Variants in ZNF519 observed in about 807,000 individuals in gnomAD.
ZNF519 encodes the protein zinc finger protein 519, also known as similar to Zinc finger protein 85 (Zinc finger protein HPF4) (HTF1).
Under a neutral mutation model 7.4 loss-of-function variants are expected in ZNF519, and 7 were observed. That is an observed-to-expected ratio of 0.94 (90% CI 0.54 to 1.77). The LOEUF (loss-of-function observed/expected upper bound fraction) is 1.77. Among genes scored for constraint, ZNF519 ranks in the 40% most tolerant of loss-of-function variants. The pLI is 0.00. For synonymous variants in ZNF519, 179 were observed against 203.3 expected (o/e 0.88, Z 1.02); for missense variants, 586 against 623.1 (o/e 0.94, Z 0.63).
chr18:14,120,864 A>G (rs2046266570), intron 2 of ZNF519, among the ~76,000 whole-genome samples: 2 of 152,142 alleles, frequency 1.3e-5, no homozygotes, highest in South Asian at 4.1e-4. Context: ...ACTTCTAGGC[A>G]TACTACTACC....
intron 2 of ZNF519, among the ~76,000 whole-genome samples, chr18:14,107,414 T>C (rs1036148407): frequency 6.6e-6 from 1 of 152,166 alleles, no homozygotes; most frequent in Non-Finnish European, 1.5e-5. Flanking sequence ...GCCCTCGACC[T>C]GGAATAATCT....
At chr18:14,077,401 A>T (rs1238040518) in exon 5 of ZNF519, 1 of 152,280 alleles carries the variant, frequency 6.6e-6, no homozygotes, top group East Asian at 1.9e-4. Flanking sequence ...TTTTTGCTGC[A>T]GGGCTGGTGG....
chr18:14,112,507 A>G (rs2046226404), intron 2 of ZNF519, among the ~76,000 whole-genome samples: 1 of 152,224 alleles, frequency 6.6e-6, no homozygotes, highest in Admixed American at 6.5e-5. Context: ...GGAAGAAGTC[A>G]AATTAGCTTT....
At chr18:14,095,158 G>A (rs1025472626), downstream of ZNF519, among the ~76,000 whole-genome samples, 1 of 152,032 alleles carries the variant, frequency 6.6e-6, no homozygotes, top group Non-Finnish European at 1.5e-5. Context: ...TAGTTGTTAT[G>A]TTCTTTTGGC....
At chr18:14,126,357 C>T (rs1188122855) in intron 1 of ZNF519, among the ~76,000 whole-genome samples, 3 of 152,182 alleles carry the variant, frequency 2.0e-5, no homozygotes, top group Admixed American at 6.5e-5. Flanking sequence ...AAAACCCTTA[C>T]GTTTTCCTAG....
intron 1 of ZNF519, among the ~76,000 whole-genome samples, chr18:14,127,331 T>C (rs2046304013): frequency 6.6e-6 from 1 of 152,194 alleles, no homozygotes; most frequent in South Asian, 2.1e-4. Flanking sequence ...CTGTGAGTTT[T>C]CTGTATGTCT....
intron 3 of ZNF519, chr18:14,080,051 T>A (rs12961005): frequency 2.0e-5 from 3 of 151,352 alleles, no homozygotes; most frequent in African/African-American, 7.3e-5. Context: ...CTAAAAAAAA[T>A]AATAAATGAG....
rs1216481631 is a variant in ZNF519, at chr18:14,101,006, A to G, written c.*3911T>C. 1.3e-5 allele frequency: 2 copies of G among 152,248 alleles called. No individual in the cohort carries two copies. The highest frequency in any genetic ancestry group is 2.9e-5 in the Non-Finnish European group (2 of 68,054). 9.4% of individuals were successfully genotyped at this position (152,248 alleles called of 1,614,324 possible). The stretch of plus-strand genomic sequence containing the variant: ...ATCTCATTTAGTTCTTGAAACAATC[A>G]TATCATGTTAGGCTTCTTAGAACCC... On this transcript the variant is annotated 3_prime_UTR_variant, in exon 3 of 3. Coordinates refer to ENST00000590202, the MANE Select transcript of ZNF519 (RefSeq NM_145287.4).
intron 2 of ZNF519, chr18:14,090,367 T>C (rs1368832785): frequency 1.3e-5 from 2 of 152,170 alleles, no homozygotes; most frequent in East Asian, 1.9e-4. Context: ...TCAAGATTGA[T>C]GGAAGAATCA....
chr18:14,112,679 C>T (rs2046227232), intron 2 of ZNF519, among the ~76,000 whole-genome samples: 1 of 151,806 alleles, frequency 6.6e-6, no homozygotes. Flanking sequence ...ATCCCATTTA[C>T]GATAGCCACA....
rs1004058487 is a variant in ZNF519 at position 14,100,707 on chromosome 18, A to C, written c.*4210T>G. 6 of 152,322 alleles carry C rather than the reference A, an allele frequency of 3.9e-5. No individual in the cohort carries two copies. Among genetic ancestry groups the C allele is most frequent in the Admixed American group, 1.3e-4 (2 of 15,294 alleles). The allele number at this position is 152,322 out of a possible 1,614,324, so 9.4% of individuals were successfully genotyped here. A position where few individuals can be genotyped will look rare whatever the true frequency, so the allele number is the denominator to read the frequency against. On this transcript the variant is annotated 3_prime_UTR_variant, in exon 3 of 3. Transcript: ENST00000590202. ...GGAGAAGGGAAGCGGATGTGGTTAT[A>C]AGAGGAAAACGAGTTAATCTTCTGG...
Position 14,105,624 on chromosome 18 carries a change from G to A in ZNF519, c.916C>T (p.His306Tyr), listed in dbSNP as rs773786403. Reference protein sequence around the residue: ...KCDKAFNKSSHLAQHQRIHTG... With the variant: ...KCDKAFNKSSYLAQHQRIHTG... ...TGGATTCTCTGATGTTGAGCAAGGT[G>A]TGAACTCTTGTTAAAGGCTTTGTCA... The change falls in exon 3 of 3, where the codon CAC becomes TAC. Residue 306 changes from histidine (H) to tyrosine (Y), a missense_variant. Transcript: ENST00000590202. 6.2e-7 allele frequency: 1 copy of A among 1,613,632 alleles called. No individual in the cohort carries two copies.
intron 1 of ZNF519, among the ~76,000 whole-genome samples, chr18:14,130,367 A>G (rs1337777832): frequency 6.6e-6 from 1 of 151,850 alleles, no homozygotes; most frequent in East Asian, 1.9e-4. Flanking sequence ...ACCCTCTCTC[A>G]CCTTCCTTCT....
rs544698549 is a variant in ZNF519, at chr18:14,101,988, T to C, written c.*2929A>G. 5.5e-6 allele frequency: 2 copies of C among 363,968 alleles called. No individual in the cohort carries two copies. Among genetic ancestry groups the C allele is most frequent in the South Asian group, 1.5e-4 (1 of 6,730 alleles). 22.5% of individuals were successfully genotyped at this position (363,968 alleles called of 1,614,324 possible). On this transcript the variant is annotated 3_prime_UTR_variant, in exon 3 of 3. Transcript: ENST00000590202. ...TATAATATTCTCTAATATTCAGGAA[T>C]AAAGAGGTTTCCTACTGATTATGTT...
chr18:14,104,736 G>T lies in ZNF519; in HGVS notation c.*181C>A, dbSNP rs1246472830. The stretch of plus-strand genomic sequence containing the variant: ...AACACACTGATTCAGAGTAATTTAC[G>T]GAAGTGCTAGCACCTTAGTTCTTTC... On this transcript the variant is annotated 3_prime_UTR_variant, in exon 3 of 3. Coordinates refer to ENST00000590202, the MANE Select transcript of ZNF519 (RefSeq NM_145287.4). 2 of 516,888 alleles carry T rather than the reference G, an allele frequency of 3.9e-6. No individual in the cohort carries two copies. The highest frequency in any genetic ancestry group is 6.3e-6 in the Non-Finnish European group (2 of 316,296). 32.0% of individuals were successfully genotyped at this position (516,888 alleles called of 1,614,324 possible).
chr18:14,083,759 G>A (rs140886464), intron 3 of ZNF519, among the ~76,000 whole-genome samples: 95 of 152,222 alleles, frequency 6.2e-4, no homozygotes, highest in African/African-American at 2.2e-3. Context: ...TCAGTTGGTT[G>A]AGCTTCAAAT....
chr18:14,125,231 T>C (rs1428761151), intron 1 of ZNF519, among the ~76,000 whole-genome samples: 1 of 152,184 alleles, frequency 6.6e-6, no homozygotes, highest in African/African-American at 2.4e-5. Context: ...CTTGGCATTC[T>C]CTGCAGGCCC....
chr18:14,087,237 G>T (rs1381843778), intron 2 of ZNF519, among the ~76,000 whole-genome samples: 2 of 152,140 alleles, frequency 1.3e-5, no homozygotes, highest in Non-Finnish European at 2.9e-5. Context: ...CCATCATACT[G>T]AATGGGAAAA....
At chr18:14,123,382 T>A (rs1210170471) in intron 2 of ZNF519, among the ~76,000 whole-genome samples, 1 of 152,188 alleles carries the variant, frequency 6.6e-6, no homozygotes, top group Non-Finnish European at 1.5e-5. Flanking sequence ...ATTTTAAATC[T>A]GCGGGTTCTA....
Sources: allele counts gnomAD v4.1 joint callset (sites outside exome capture counted in the v4.1 genomes callset), GRCh38; gene constraint gnomAD v4.1.1; transcripts MANE v1.5; gene names NCBI Gene and HGNC (gene_info 2026-07-23, HGNC 2026-07-21).